KLHL20: variants seen among roughly 807,000 people sequenced by gnomAD.
KLHL20 encodes the protein kelch-like protein 20.
KLHL20 carries 29 observed loss-of-function variants against 69.5 expected under a neutral mutation model. That is an observed-to-expected ratio of 0.42 (90% CI 0.31 to 0.57). The LOEUF is 0.57. Ranked by LOEUF, KLHL20 falls within the 20% of genes least tolerant of loss-of-function variation. The probability of loss-of-function intolerance (pLI) is 0.18; values close to 1 mark genes in which losing one functional copy is unlikely to be tolerated. For synonymous variants in KLHL20, 253 were observed against 265.2 expected, an observed-to-expected ratio of 0.95 and a Z score of 0.45; for missense variants, 419 against 776.0, an observed-to-expected ratio of 0.54 and a Z score of 5.47.
At chr1:173,784,880 A>C (rs1040050390) in intron 11 of KLHL20, among the ~76,000 whole-genome samples, 7 of 152,228 alleles carry the variant, frequency 4.6e-5, no homozygotes, top group African/African-American at 1.7e-4. Context: ...ATACAGTTGT[A>C]AAGTTCTGAT....
intron 11 of KLHL20, among the ~76,000 whole-genome samples, chr1:173,784,832 A>C (rs907808723): frequency 6.6e-6 from 1 of 152,216 alleles, no homozygotes. Context: ...AAAATGTAGA[A>C]TATATAATTC....
chr1:173,779,473 C>A (rs1571938616), intron 10 of KLHL20, among the ~76,000 whole-genome samples: 1 of 151,720 alleles, frequency 6.6e-6, no homozygotes, highest in Admixed American at 6.6e-5. Flanking sequence ...GCTTCAGCCT[C>A]CCGAGTAGCT....
At chr1:173,729,413 A>G (rs1672144027) in intron 2 of KLHL20, among the ~76,000 whole-genome samples, 1 of 152,222 alleles carries the variant, frequency 6.6e-6, no homozygotes, top group Non-Finnish European at 1.5e-5. Flanking sequence ...TGGCAGAGAC[A>G]CAACCAAAAA....
intron 10 of KLHL20, among the ~76,000 whole-genome samples, chr1:173,778,525 G>C (rs1399590895): frequency 6.6e-6 from 1 of 151,170 alleles, no homozygotes. Context: ...TTTTGGTAGA[G>C]TTGGGGTTTT....
At chr1:173,765,275 G>A (rs1430499322) in intron 7 of KLHL20, among the ~76,000 whole-genome samples, 3 of 152,144 alleles carry the variant, frequency 2.0e-5, no homozygotes, top group African/African-American at 2.4e-5. Context: ...AGGCCGAGGC[G>A]GGTGGATCAC....
In KLHL20 at chr1:173,733,821, C is replaced by T; in HGVS notation, c.132C>T (p.Pro44=). 1.2e-6 allele frequency: 2 copies of T among 1,614,122 alleles called. No individual in the cohort carries two copies. Among genetic ancestry groups the T allele is most frequent in the Non-Finnish European group, 1.7e-6 (2 of 1,180,026 alleles). The part of the protein sequence containing the change: ...PEGVPQPARM[P]YISDKHPRQT... ...GGGTTCCCCAACCTGCCCGCATGCC[C>T]TATATCTCAGACAAGCACCCTCGAC... Residue 44 remains proline, a synonymous_variant, in exon 3 of 12, where the codon CCC becomes CCT. Coordinates refer to ENST00000209884, the MANE Select transcript of KLHL20 (RefSeq NM_014458.4).
At chr1:173,743,073 G>A in intron 3 of KLHL20, among the ~76,000 whole-genome samples, 1 of 136,070 alleles carries the variant, frequency 7.3e-6, no homozygotes, top group African/African-American at 2.7e-5. Flanking sequence ...AAAAAAACAT[G>A]AAAAATACAA....
At position 173,734,075 on chromosome 1, in the gene KLHL20, C is replaced by T; in HGVS notation, c.386C>T (p.Ser129Phe). 6.2e-7 allele frequency: 1 copy of T among 1,614,140 alleles called. No individual in the cohort carries two copies. Among genetic ancestry groups the T allele is most frequent in the Non-Finnish European group, 8.5e-7 (1 of 1,180,020 alleles). ...MELLIDFAYT[S>F]QITVEEGNVQ... ...TTACTGATTGACTTTGCGTATACCT[C>T]CCAGATAACAGTAGAAGAGGGCAAT... The change falls in exon 3 of 12, where the codon TCC (serine) becomes TTC (phenylalanine). Residue 129 changes from serine to phenylalanine, a missense_variant. This residue lies in a region of KLHL20 where 129 missense variants were observed against 183.6 expected (regional missense o/e 0.70). Transcript: ENST00000209884.
chr1:173,719,054 G>A (rs1671596407), intron 2 of KLHL20, among the ~76,000 whole-genome samples: 2 of 137,092 alleles, frequency 1.5e-5, no homozygotes, highest in Non-Finnish European at 3.0e-5. Context: ...GCAGTGAGCC[G>A]AGATTGCGCC....
At chr1:173,724,257 A>G (rs1459832374) in intron 2 of KLHL20, among the ~76,000 whole-genome samples, 3 of 151,620 alleles carry the variant, frequency 2.0e-5, no homozygotes, top group Non-Finnish European at 4.4e-5. Context: ...CCCCCGCCTC[A>G]ACCTCCCAAA....
intron 7 of KLHL20, among the ~76,000 whole-genome samples, chr1:173,764,809 A>G (rs888085713): frequency 1.3e-5 from 2 of 152,098 alleles, no homozygotes; most frequent in Non-Finnish European, 2.9e-5. Context: ...TCTCATAAAT[A>G]ACCACTAAAG....
At chr1:173,774,030 A>G (rs1012712540) in intron 8 of KLHL20, among the ~76,000 whole-genome samples, 4 of 150,430 alleles carry the variant, frequency 2.7e-5, no homozygotes, top group Admixed American at 6.6e-5. Flanking sequence ...AAAAAAAAAA[A>G]AGAGAAAGAG....
At chr1:173,782,395 G>A (rs9425414) in intron 11 of KLHL20, among the ~76,000 whole-genome samples, 165 bp downstream of exon 11, 11,437 of 152,044 alleles carry the variant, frequency 0.075, 1,421 homozygotes, top group African/African-American at 0.26. Flanking sequence ...TTGCTCTAAA[G>A]TGGCTGATAT....
Position 173,734,508 on chromosome 1 carries a change from A to C in KLHL20, c.597+222A>C, listed in dbSNP as rs1672434888. ...GGATTTATTCTCCCTAACTGTATTC[A>C]TAAAAGTATTTAAAAAAAAATTTTT... is the stretch of plus-strand genomic sequence containing the variant. On this transcript the variant is annotated intron_variant, in intron 3 of 11. Coordinates refer to ENST00000209884, the MANE Select transcript of KLHL20 (RefSeq NM_014458.4). 5.6e-6 allele frequency: 3 copies of C among 531,272 alleles called. No homozygotes were observed. In the South Asian group the frequency reaches 7.2e-5, roughly 13 times the overall value. The allele number at this position is 531,272 out of a possible 1,614,324, so 32.9% of individuals were successfully genotyped here.
chr1:173,745,523 T>A (rs1673017611), intron 3 of KLHL20, among the ~76,000 whole-genome samples: 1 of 152,142 alleles, frequency 6.6e-6, no homozygotes, highest in Non-Finnish European at 1.5e-5. Flanking sequence ...TAGGTTTTTC[T>A]CCTCCATTAT....
At chr1:173,767,152 T>G (rs973329741) in intron 8 of KLHL20, among the ~76,000 whole-genome samples, 23 of 152,298 alleles carry the variant, frequency 1.5e-4, no homozygotes, top group Admixed American at 1.2e-3. Flanking sequence ...TCATGCAATA[T>G]TTGTCTTTCT....
At position 173,753,321 on chromosome 1, in the gene KLHL20, T is replaced by C; in HGVS notation, c.851+14T>C. On this transcript the variant is annotated intron_variant, in intron 5 of 11. Transcript: ENST00000209884. ...TGAAGAATGCAGGTATGAGTGACCCTGGATGGGAAAAATCAACAACTAAGC... is the reference window on the plus strand; with the variant it reads ...TGAAGAATGCAGGTATGAGTGACCCCGGATGGGAAAAATCAACAACTAAGC... 6.3e-7 allele frequency: 1 copy of C among 1,592,128 alleles called. No individual in the cohort carries two copies. The highest frequency in any genetic ancestry group is 8.6e-7 in the Non-Finnish European group (1 of 1,160,228).
At chr1:173,747,397 G>A (rs1035330588) in intron 3 of KLHL20, among the ~76,000 whole-genome samples, 4 of 151,990 alleles carry the variant, frequency 2.6e-5, no homozygotes, top group Non-Finnish European at 5.9e-5. Flanking sequence ...GCTTTGTAAA[G>A]TGTTCTCCCT....
At chr1:173,757,720 A>G (rs1673612249) in intron 7 of KLHL20, among the ~76,000 whole-genome samples, 1 of 151,992 alleles carries the variant, frequency 6.6e-6, no homozygotes, top group Non-Finnish European at 1.5e-5. Context: ...CACAAATGTT[A>G]CTTAATACAT....
Sources: allele counts gnomAD v4.1 joint callset (sites outside exome capture counted in the v4.1 genomes callset), GRCh38; gene constraint gnomAD v4.1.1; regional missense constraint gnomAD v4.1.1; transcripts MANE v1.5; gene names NCBI Gene and HGNC (gene_info 2026-07-23, HGNC 2026-07-21).